Variants in TMPRSS9 observed in about 807,000 individuals in gnomAD.
TMPRSS9 encodes the protein transmembrane protease serine 9.
Under a neutral mutation model 111.4 loss-of-function variants are expected in TMPRSS9, and 113 were observed. The observed-to-expected ratio is 1.01, with a 90% CI of 0.87 to 1.19. The LOEUF is 1.19. Among genes scored for constraint, TMPRSS9 ranks in the 50% most tolerant of loss-of-function variants. TMPRSS9 has a pLI of 0.00. For missense variants in TMPRSS9, 1,803 were observed against 1,513.1 expected, an observed-to-expected ratio of 1.19 and a Z score of -3.18; for synonymous variants, 805 against 659.1, an observed-to-expected ratio of 1.22 and a Z score of -3.39.
intron 1 of TMPRSS9, among the ~76,000 whole-genome samples, chr19:2,364,232 T>C (rs1970230287): frequency 1.3e-5 from 2 of 152,088 alleles, no homozygotes; most frequent in African/African-American, 4.8e-5. Flanking sequence ...GACGCATAAA[T>C]AGAAGAAATT....
intron 2 of TMPRSS9, among the ~76,000 whole-genome samples, 171 bp from the exon 4 acceptor site, chr19:2,398,620 AATAC>A (rs1491183830): frequency 2.0e-5 from 3 of 152,046 alleles, no homozygotes; most frequent in South Asian, 4.1e-4. Flanking sequence ...TCTGTCTCAC[AATAC>A]ATACATACAT....
chr19:2,391,077 A>AGGCAGGCAGGC (rs1568175565), intron 1 of TMPRSS9, among the ~76,000 whole-genome samples: 1 of 146,952 alleles, frequency 6.8e-6, no homozygotes, highest in Non-Finnish European at 1.5e-5. Flanking sequence ...GGTAGGCAGG[A>AGGCAGGCAGGC]AGGAAGGAAG....
intron 8 of TMPRSS9, 84 bp from the exon 10 acceptor site, chr19:2,410,174 G>A: frequency 6.4e-7 from 1 of 1,563,012 alleles, no homozygotes; most frequent in South Asian, 1.2e-5. Flanking sequence ...GGCTTGGAGA[G>A]GAGCTGTCCT....
At chr19:2,385,697 A>T (rs1376192829), upstream of TMPRSS9, among the ~76,000 whole-genome samples, 1 of 151,898 alleles carries the variant, frequency 6.6e-6, no homozygotes, top group African/African-American at 2.4e-5. Context: ...TACAGAGTAT[A>T]AAAAAATTAA....
At chr19:2,368,201 C>T (rs962959579) in intron 1 of TMPRSS9, among the ~76,000 whole-genome samples, 3 of 152,200 alleles carry the variant, frequency 2.0e-5, no homozygotes, top group Admixed American at 1.3e-4. Flanking sequence ...TGCGTTTTTC[C>T]TGGCTCCCCT....
At chr19:2,372,638 C>T (rs751358485) in intron 1 of TMPRSS9, among the ~76,000 whole-genome samples, 1 of 152,098 alleles carries the variant, frequency 6.6e-6, no homozygotes, top group Non-Finnish European at 1.5e-5. Context: ...TGTCTGAGAC[C>T]GGCTGTCTCC....
chr19:2,425,089 C>T (rs765436781), exon 16 of TMPRSS9: 4 of 1,581,228 alleles, frequency 2.5e-6, no homozygotes, highest in Non-Finnish European at 3.4e-6. Flanking sequence ...TGGCGCGCAT[C>T]TACAAGCACC....
chr19:2,374,402 G>A lies in TMPRSS9; in HGVS notation c.-26+14042G>A, dbSNP rs530514279. Among the ~76,000 whole-genome samples the A allele has an allele frequency of 6.6e-5, 10 of 150,934 alleles. No homozygotes were observed. The East Asian group carries it at 1.4e-3, about 21-fold the overall frequency. On this transcript the variant is annotated intron_variant, in intron 1 of 17. Transcript: ENST00000649857. Reference sequence around the variant, plus strand: ...ACCCTGACCAATATGGTGAAACCCCGTCTCTACTAAAAAATACAAAAATTA... The same window carrying A: ...ACCCTGACCAATATGGTGAAACCCCATCTCTACTAAAAAATACAAAAATTA...
At chr19:2,393,586 G>A (rs1970644969) in intron 1 of TMPRSS9, among the ~76,000 whole-genome samples, 2 of 152,104 alleles carry the variant, frequency 1.3e-5, no homozygotes, top group South Asian at 2.1e-4. Flanking sequence ...GGGAAACCCT[G>A]TCTCTACAAA....
intron 1 of TMPRSS9, among the ~76,000 whole-genome samples, chr19:2,379,093 A>C (rs188511683): frequency 6.6e-6 from 1 of 151,964 alleles, no homozygotes; most frequent in African/African-American, 2.4e-5. Flanking sequence ...GAAGTCAAGA[A>C]TGTAGGTGGC....
intron 7 of TMPRSS9, among the ~76,000 whole-genome samples, chr19:2,408,029 G>A (rs868855721): frequency 2.0e-5 from 3 of 151,906 alleles, no homozygotes; most frequent in Non-Finnish European, 4.4e-5. Flanking sequence ...TGATCCTCCC[G>A]CCTCAGCCTC....
Position 2,382,754 on chromosome 19 carries a change from C to G in TMPRSS9, c.-25-7007C>G, listed in dbSNP as rs771899708. On this transcript the variant is annotated intron_variant, in intron 1 of 17. Coordinates refer to the TMPRSS9 transcript ENST00000649857. ...ATACGCACAAACGCACACATCCACACATACACAGATGCACACACGCACACA... is the reference window on the plus strand; with the variant it reads ...ATACGCACAAACGCACACATCCACAGATACACAGATGCACACACGCACACA... Among the ~76,000 whole-genome samples the G allele has an allele frequency of 8.6e-4, 131 of 151,962 alleles. 1 individual carries two copies. The highest frequency in any genetic ancestry group is 1.8e-4 in the Non-Finnish European group (12 of 67,978).
intron 12 of TMPRSS9, 48 bp from the exon 14 acceptor site, chr19:2,417,954 C>G (rs761962972): frequency 6.2e-7 from 1 of 1,608,754 alleles, no homozygotes; most frequent in Non-Finnish European, 8.5e-7. Flanking sequence ...ACTGGAGCTG[C>G]TCTGATGATC....
intron 1 of TMPRSS9, among the ~76,000 whole-genome samples, chr19:2,384,541 C>A (rs569802236): frequency 6.6e-6 from 1 of 150,598 alleles, no homozygotes; most frequent in East Asian, 2.0e-4. Flanking sequence ...TGTGGTCAGG[C>A]GCGGTGGCTC....
At chr19:2,403,251 T>A in intron 6 of TMPRSS9, 56 bp downstream of exon 7, 2 of 1,402,128 alleles carry the variant, frequency 1.4e-6, no homozygotes, top group Non-Finnish European at 2.0e-6. Context: ...CAGGGTCAGC[T>A]GCTGGCTCTG....
At chr19:2,400,386 A>G (rs577192213) in intron 4 of TMPRSS9, among the ~76,000 whole-genome samples, 1 of 151,932 alleles carries the variant, frequency 6.6e-6, no homozygotes, top group Admixed American at 6.6e-5. Flanking sequence ...TACTAAAAAT[A>G]CAAAAATGAG....
chr19:2,415,451 C>T (rs535233412), intron 10 of TMPRSS9, among the ~76,000 whole-genome samples: 3 of 150,416 alleles, frequency 2.0e-5, no homozygotes, highest in South Asian at 4.2e-4. Flanking sequence ...CTGTATGTTT[C>T]TTTCTTAACT....
intron 1 of TMPRSS9, among the ~76,000 whole-genome samples, chr19:2,395,407 TG>T (rs1212248965): frequency 6.6e-6 from 1 of 151,934 alleles, no homozygotes; most frequent in African/African-American, 2.4e-5. Flanking sequence ...CACTCCAGCC[TG>T]GGTGACAGAG....
chr19:2,368,121 A>G lies in TMPRSS9; in HGVS notation c.-26+7761A>G, dbSNP rs1465711247. Among the ~76,000 whole-genome samples the G allele has an allele frequency of 4.6e-5, 7 of 152,230 alleles. No individual in the cohort carries two copies. In the East Asian group the frequency reaches 1.3e-3, roughly 29 times the overall value. On this transcript the variant is annotated intron_variant, in intron 1 of 17. Coordinates refer to the TMPRSS9 transcript ENST00000649857. ...ACTCTCTGGATTTGTGGGGCCGGAG[A>G]GGCAGAGGGAAATAACTTGCTCTTT...
Sources: allele counts gnomAD v4.1 joint callset (sites outside exome capture counted in the v4.1 genomes callset), GRCh38; gene constraint gnomAD v4.1.1; transcripts MANE v1.5; gene names NCBI Gene and HGNC (gene_info 2026-07-23, HGNC 2026-07-21).